The following USH2A variants were observed in gnomAD, a reference collection of about 807,000 sequenced individuals.
The protein encoded by USH2A is Usher syndrome 2A (autosomal recessive, mild).
A neutral mutation model predicts 538.9 loss-of-function variants in USH2A; 443 were observed. The observed-to-expected ratio is 0.82, with a 90% CI of 0.76 to 0.89. The LOEUF (loss-of-function observed/expected upper bound fraction) is 0.89, where lower values mean the gene tolerates loss of function less well. USH2A is among the 40% of genes least tolerant of loss of function. The pLI is 0.00. For synonymous variants in USH2A, 2,413 were observed against 2,273.5 expected, an observed-to-expected ratio of 1.06 and a Z score of -1.75; for missense variants, 6,633 against 6,324.8, an observed-to-expected ratio of 1.05 and a Z score of -1.65.
chr1:216,030,054 A>T (rs1406515786), intron 32 of USH2A, among the ~76,000 whole-genome samples: 1 of 53,196 alleles, frequency 1.9e-5, no homozygotes, highest in Non-Finnish European at 5.0e-5. Flanking sequence ...GGTATATATG[A>T]TATATCACAG....
At chr1:215,989,730 G>A (rs577318145) in intron 35 of USH2A, among the ~76,000 whole-genome samples, 2 of 151,990 alleles carry the variant, frequency 1.3e-5, no homozygotes, top group East Asian at 3.9e-4. Flanking sequence ...GGGCTGGGTG[G>A]TGCAAATCCA....
At chr1:215,680,072 G>T in intron 62 of USH2A, 77 bp downstream of exon 62, 2 of 1,447,938 alleles carry the variant, frequency 1.4e-6, no homozygotes, top group South Asian at 1.1e-5. Context: ...TTCCCACAGT[G>T]ACCTGATGGC....
intron 32 of USH2A, among the ~76,000 whole-genome samples, chr1:216,035,259 A>G (rs1221006615): frequency 6.6e-6 from 1 of 152,192 alleles, no homozygotes; most frequent in African/African-American, 2.4e-5. Flanking sequence ...GATGAGCTCA[A>G]CAAGGTGGGC....
chr1:215,879,225 G>A lies in USH2A; in HGVS notation c.8224-127C>T, dbSNP rs1240145565. ...TTTCTAAATGGCTACATTCTCCTGA[G>A]GCCTTTGGACTAGACAGTAATGAAG... On this transcript the variant is annotated intron_variant, in intron 41 of 71. Coordinates refer to ENST00000307340, the MANE Select transcript of USH2A (RefSeq NM_206933.4). 3.8e-6 allele frequency: 3 copies of A among 792,602 alleles called. No individual in the cohort carries two copies. In the East Asian group the frequency reaches 7.6e-5, roughly 20 times the overall value. 49.1% of individuals were successfully genotyped at this position (792,602 alleles called of 1,614,324 possible). A position where few individuals can be genotyped will look rare whatever the true frequency, so the allele number is the denominator to read the frequency against.
intron 9 of USH2A, among the ~76,000 whole-genome samples, chr1:216,316,001 T>C (rs1391532655): frequency 3.3e-5 from 5 of 152,130 alleles, no homozygotes; most frequent in Admixed American, 2.6e-4. Flanking sequence ...TTTTCATTCT[T>C]GGAAAGAAAT....
At chr1:216,169,781 T>C (rs1048505486) in intron 21 of USH2A, among the ~76,000 whole-genome samples, 1 of 152,138 alleles carries the variant, frequency 6.6e-6, no homozygotes, top group Non-Finnish European at 1.5e-5. Flanking sequence ...TACTCTTTCC[T>C]TTACTTTTTT....
In USH2A at chr1:216,280,374, C is replaced by T. The variant is rs78357619; in HGVS notation, c.1971+8906G>A. On this transcript the variant is annotated intron_variant, in intron 11 of 71. Transcript: ENST00000307340. The stretch of plus-strand genomic sequence containing the variant: ...TTGGATCTGATGAAAGTACTGAAAG[C>T]TCTCACCCTCAAAAATACAGACAAA... 2.2e-3 allele frequency among the ~76,000 whole-genome samples: 336 copies of T among 151,416 alleles called. 10 individuals are homozygous for T. The East Asian group carries it at 0.052, about 23-fold the overall frequency.
At chr1:216,332,817 T>C (rs1045213795) in intron 4 of USH2A, among the ~76,000 whole-genome samples, 1 of 152,068 alleles carries the variant, frequency 6.6e-6, no homozygotes. Context: ...CAAACAGTAG[T>C]AATAGTGACA....
intron 42 of USH2A, 56 bp downstream of exon 42, chr1:215,878,708 C>G: frequency 1.9e-6 from 3 of 1,566,702 alleles, no homozygotes; most frequent in Non-Finnish European, 2.6e-6. Flanking sequence ...CATTTCCCTA[C>G]TTCTCAGAGA....
At chr1:216,200,692 G>A (rs1444811267) in intron 16 of USH2A, among the ~76,000 whole-genome samples, 2 of 152,174 alleles carry the variant, frequency 1.3e-5, no homozygotes, top group Admixed American at 1.3e-4. Flanking sequence ...TATGCATGAA[G>A]GATTGTGAGG....
At chr1:216,069,990 T>C in intron 30 of USH2A, 111 bp downstream of exon 30, 1 of 1,275,064 alleles carries the variant, frequency 7.8e-7, no homozygotes, top group Non-Finnish European at 1.1e-6. Flanking sequence ...TCAGGTAAAA[T>C]ACATGTATAT....
At chr1:215,830,354 T>C (rs1036036870) in intron 47 of USH2A, among the ~76,000 whole-genome samples, 4 of 152,162 alleles carry the variant, frequency 2.6e-5, no homozygotes, top group African/African-American at 9.7e-5. Context: ...TGTGGCCAAA[T>C]TGGAATCTAA....
At chr1:215,915,579 T>C (rs1299318953) in intron 38 of USH2A, among the ~76,000 whole-genome samples, 1 of 152,048 alleles carries the variant, frequency 6.6e-6, no homozygotes, top group African/African-American at 2.4e-5. Context: ...GAAAGGACTC[T>C]AGAGAAAAAT....
intron 20 of USH2A, among the ~76,000 whole-genome samples, chr1:216,178,560 C>A (rs2034434726): frequency 4.6e-5 from 7 of 152,094 alleles, no homozygotes; most frequent in Admixed American, 4.6e-4. Flanking sequence ...CTCAGGGAAG[C>A]AATGGAGAAC....
chr1:216,172,279 G>A (rs190369345), intron 21 of USH2A, among the ~76,000 whole-genome samples: 281 of 152,038 alleles, frequency 1.8e-3, no homozygotes, highest in Middle Eastern at 3.4e-3. Context: ...TTATGAATGC[G>A]TTTATAATTC....
intron 4 of USH2A, among the ~76,000 whole-genome samples, chr1:216,363,019 T>C (rs114705754): frequency 0.015 from 2,271 of 151,864 alleles, 57 homozygotes; most frequent in African/African-American, 0.052. Context: ...ATATAGCATA[T>C]ATGTTATCTT....
chr1:215,743,435 C>CGTGTGT (rs1558078802), intron 58 of USH2A, 100 bp from the exon 59 acceptor site: 13 of 242,656 alleles, frequency 5.4e-5, no homozygotes, highest in Admixed American at 2.1e-4. Flanking sequence ...TATAGACACA[C>CGTGTGT]ATATATATAT....
At chr1:215,631,457 C>T (rs1325865438) in intron 70 of USH2A, among the ~76,000 whole-genome samples, 2 of 152,160 alleles carry the variant, frequency 1.3e-5, no homozygotes, top group Admixed American at 6.5e-5. Context: ...TTTAGTTTGG[C>T]TAATTTTTGA....
rs2033799336 is a variant in USH2A at position 216,149,923 on chromosome 1, C to T, written c.4627+25329G>A. Among the ~76,000 whole-genome samples, 5 of 152,092 alleles carry T rather than the reference C, an allele frequency of 3.3e-5. No homozygotes were observed. The South Asian group carries it at 1.0e-3, about 32-fold the overall frequency. On this transcript the variant is annotated intron_variant, in intron 21 of 71. Coordinates refer to ENST00000307340, the MANE Select transcript of USH2A (RefSeq NM_206933.4). ...TGTCCATCGGACAGCCAGCCTAATCCCTCCTCTTCCTCCTGGAAGTCGCAA... is the reference window on the plus strand; with the variant it reads ...TGTCCATCGGACAGCCAGCCTAATCTCTCCTCTTCCTCCTGGAAGTCGCAA...
Sources: allele counts gnomAD v4.1 joint callset (sites outside exome capture counted in the v4.1 genomes callset), GRCh38; gene constraint gnomAD v4.1.1; transcripts MANE v1.5; gene names NCBI Gene and HGNC (gene_info 2026-07-23, HGNC 2026-07-21).